Variants in RIOX2 observed in about 807,000 individuals in gnomAD.
The protein encoded by RIOX2 is ribosomal oxygenase 2.
In RIOX2, 43 loss-of-function variants were observed where a neutral mutation model predicts 51.2. The observed-to-expected ratio is 0.84, with a 90% CI of 0.66 to 1.08. The LOEUF is 1.08. Among genes scored for constraint, RIOX2 ranks in the 50% least tolerant of loss-of-function variants. RIOX2 has a pLI of 0.00. For missense variants in RIOX2, 566 were observed against 561.7 expected (o/e 1.01, Z -0.08); for synonymous variants, 226 against 218.5 (o/e 1.03, Z -0.30).
At position 97,942,425 on chromosome 3, in the gene RIOX2, C is replaced by T. The variant is rs552424648; in HGVS notation, c.*2759G>A. The T allele has an allele frequency of 1.6e-5, 25 of 1,610,594 alleles. No homozygotes were observed. The highest frequency in any genetic ancestry group is 1.7e-5 in the Non-Finnish European group (20 of 1,177,858). ...TATCAGCTCTTATCTCAGTGATCAA[C>T]TTGTCCTTGATGTTAAAGGTGGGCC... On this transcript the variant is annotated 3_prime_UTR_variant, in exon 10 of 10. Coordinates refer to ENST00000394198, the MANE Select transcript of RIOX2 (RefSeq NM_153182.4).
At position 97,967,573 on chromosome 3, in the gene RIOX2, A is replaced by G. The variant is rs1705942599; in HGVS notation, c.21T>C (p.Pro7=). The stretch of plus-strand genomic sequence containing the variant: ...GCCCCTCTTCCTTCCCACTCCCTGT[A>G]GGCTTTGCTTTCTTTGGCATCGTTC... MPKKAK[P]TGSGKEEGPA... Residue 7 remains proline (P), a synonymous_variant, in exon 2 of 10, where the codon CCT becomes CCC. Coordinates refer to ENST00000394198, the MANE Select transcript of RIOX2 (RefSeq NM_153182.4). The G allele has an allele frequency of 6.3e-7, 1 of 1,591,544 alleles. No individual in the cohort carries two copies. The highest frequency in any genetic ancestry group is 8.5e-7 in the Non-Finnish European group (1 of 1,171,782).
chr3:97,961,477 T>C (rs1705670627), intron 3 of RIOX2, 112 bp downstream of exon 3: 2 of 1,190,928 alleles, frequency 1.7e-6, no homozygotes, highest in Admixed American at 2.7e-5. Flanking sequence ...AAAGAGCGAA[T>C]ACAGACCTAA....
At position 97,942,277 on chromosome 3, in the gene RIOX2, CT is replaced by C; in HGVS notation, c.*2906del. 2 of 1,600,850 alleles carry C rather than the reference CT, an allele frequency of 1.2e-6. No individual in the cohort carries two copies. The highest frequency in any genetic ancestry group is 1.1e-5 in the South Asian group (1 of 88,882). On this transcript the variant is annotated 3_prime_UTR_variant, in exon 10 of 10. Transcript: ENST00000394198. ...ACTGCCAATTAATCATTTCTTAACCCTTTTAGGCCAGTGATACATGTCTTGA... is the reference window on the plus strand; with the variant it reads ...ACTGCCAATTAATCATTTCTTAACCCTTTAGGCCAGTGATACATGTCTTGA...
At chr3:97,951,106 T>C in intron 5 of RIOX2, 1 of 474,254 alleles carries the variant, frequency 2.1e-6, no homozygotes, top group East Asian at 3.5e-5. Context: ...AGACACTCAC[T>C]TGCAAAGTTA....
chr3:97,959,229 C>T (rs371084131), intron 3 of RIOX2, 50 bp from the exon 4 acceptor site: 42 of 1,581,050 alleles, frequency 2.7e-5, no homozygotes, highest in Non-Finnish European at 3.4e-5. Flanking sequence ...TGACAACTCA[C>T]ACACAAAGTG....
chr3:97,948,754 C>T (rs1050163289), intron 7 of RIOX2, among the ~76,000 whole-genome samples: 1 of 152,162 alleles, frequency 6.6e-6, no homozygotes, highest in African/African-American at 2.4e-5. Flanking sequence ...ACCTAACATA[C>T]ACCTGAGTCC....
At chr3:97,971,195 G>A (rs941294293) in intron 1 of RIOX2, among the ~76,000 whole-genome samples, 2 of 152,182 alleles carry the variant, frequency 1.3e-5, no homozygotes, top group African/African-American at 4.8e-5. Context: ...GGGGAGGGAA[G>A]TATGAATTTC....
intron 5 of RIOX2, among the ~76,000 whole-genome samples, chr3:97,952,562 C>A (rs1194687529): frequency 6.6e-6 from 1 of 152,084 alleles, no homozygotes; most frequent in Non-Finnish European, 1.5e-5. Flanking sequence ...GGAGAAAACA[C>A]CAGTCACTAG....
chr3:97,956,262 C>A (rs1382850706), intron 4 of RIOX2, among the ~76,000 whole-genome samples: 2 of 152,180 alleles, frequency 1.3e-5, no homozygotes, highest in Non-Finnish European at 2.9e-5. Flanking sequence ...GACTATATTT[C>A]ATTCATTTCA....
intron 1 of RIOX2, among the ~76,000 whole-genome samples, chr3:97,968,613 T>G (rs1705994788): frequency 6.6e-6 from 1 of 152,182 alleles, no homozygotes; most frequent in Non-Finnish European, 1.5e-5. Flanking sequence ...CCTTCAGAAC[T>G]GCCTCCAAAC....
Position 97,959,052 on chromosome 3 carries a change from T to G in RIOX2, c.680A>C (p.Lys227Thr), listed in dbSNP as rs1483856417. Residue 227 changes from lysine (K) to threonine (T), a missense_variant and splice_region_variant, in exon 4 of 10, where the codon AAG becomes ACG. Lys to Thr is a moderately conservative substitution (Grantham distance 78). Transcript: ENST00000394198. ...GTGCCCACAACGGTTATCACATACC[T>G]TCAGCATAAACTCATGCACCGGCCT... The part of the protein sequence containing the change: ...IGRPVHEFML[K>T]PGDLLYFPRG... 6.2e-7 allele frequency: 1 copy of G among 1,609,888 alleles called. No homozygotes were observed. The highest frequency in any genetic ancestry group is 2.2e-5 in the East Asian group (1 of 44,656).
Position 97,946,604 on chromosome 3 carries a change from A to ATATATC in RIOX2, c.1150-718_1150-717insGATATA, listed in dbSNP as rs1553712244. On this transcript the variant is annotated intron_variant, in intron 8 of 9. Coordinates refer to ENST00000394198, the MANE Select transcript of RIOX2 (RefSeq NM_153182.4). ...TGAGGATGTATATATATATATATATATATCTATTCATGTATATTCATATAT... is the reference window on the plus strand; with the variant it reads ...TGAGGATGTATATATATATATATATATATATCTATCTATTCATGTATATTCATATAT... Among the ~76,000 whole-genome samples the ATATATC allele has an allele frequency of 1.1e-4, 15 of 139,714 alleles. 1 individual carries two copies. The highest frequency in any genetic ancestry group is 2.3e-4 in the South Asian group (1 of 4,420). The allele number at this position is 139,714 out of a possible 152,430, so 91.7% of individuals were successfully genotyped here. A position where few individuals can be genotyped will look rare whatever the true frequency, so the allele number is the denominator to read the frequency against.
At chr3:97,950,113 T>A in intron 6 of RIOX2, 98 bp from the exon 7 acceptor site, 4 of 1,162,494 alleles carry the variant, frequency 3.4e-6, no homozygotes, top group Non-Finnish European at 5.0e-6. Flanking sequence ...CCACCGGGTA[T>A]AGACATTAAT....
chr3:97,959,501 A>G (rs1458164793), intron 3 of RIOX2, among the ~76,000 whole-genome samples: 1 of 151,798 alleles, frequency 6.6e-6, no homozygotes, highest in Non-Finnish European at 1.5e-5. Flanking sequence ...TCTTCTTTGT[A>G]GAGATGGGGT....
Position 97,950,795 on chromosome 3 carries a change from C to T in RIOX2, c.879G>A (p.Gln293=). 2 of 1,613,604 alleles carry T rather than the reference C, an allele frequency of 1.2e-6. No homozygotes were observed. The highest frequency in any genetic ancestry group is 1.1e-5 in the South Asian group (1 of 91,066). ...TGCCTTTACTCCTTACCAGGAGCAGCTGCCGGGGTATGCCGGTCCGTAACT... is the reference window on the plus strand; with the variant it reads ...TGCCTTTACTCCTTACCAGGAGCAGTTGCCGGGGTATGCCGGTCCGTAACT... The part of the protein sequence containing the change: ...DVELRTGIPR[Q]LLLQVESTTV... Residue 293 remains glutamine (Q), a synonymous_variant, in exon 6 of 10, where the codon CAG becomes CAA. Transcript: ENST00000394198.
chr3:97,956,009 C>T (rs1458779114), intron 4 of RIOX2, among the ~76,000 whole-genome samples: 3 of 152,104 alleles, frequency 2.0e-5, no homozygotes, highest in Admixed American at 1.3e-4. Context: ...TGGGTGAGCC[C>T]GTCAGTGATG....
chr3:97,964,696 TAAAAAAAAAAAAAAAA>T (rs1159985029), intron 2 of RIOX2, among the ~76,000 whole-genome samples: 3 of 60,210 alleles, frequency 5.0e-5, no homozygotes, highest in African/African-American at 2.1e-4. Flanking sequence ...GACTCTGTCT[TAAAAAAAAAAAAAAAA>T]AAAAAAAAAG....
At chr3:97,953,061 C>T (rs191145304) in intron 5 of RIOX2, among the ~76,000 whole-genome samples, 12 of 152,290 alleles carry the variant, frequency 7.9e-5, no homozygotes, top group African/African-American at 2.9e-4. Context: ...TAGGAGGTGA[C>T]TTGCCGTCCC....
rs1706170443 is a variant in RIOX2 at position 97,972,372 on chromosome 3, CCCA to C, written c.-40+6_-40+8del. Reference sequence around the variant, plus strand: ...GGCGCTGGGATGCCCACGAGAGCGCCCCACTCACCCGGCACGGCCTGTTGCTCG... The same window carrying C: ...GGCGCTGGGATGCCCACGAGAGCGCCCTCACCCGGCACGGCCTGTTGCTCG... On this transcript the variant is annotated splice_donor_region_variant and intron_variant, in intron 1 of 9. Coordinates refer to ENST00000394198, the MANE Select transcript of RIOX2 (RefSeq NM_153182.4). 1.3e-5 allele frequency: 2 copies of C among 151,736 alleles called. No individual in the cohort carries two copies. The highest frequency in any genetic ancestry group is 4.8e-5 in the African/African-American group (2 of 41,368). The allele number at this position is 151,736 out of a possible 1,614,324, so 9.4% of individuals were successfully genotyped here.
Sources: gnomAD v4.1 joint callset for allele counts (sites outside exome capture counted in the v4.1 genomes callset) on GRCh38, gnomAD v4.1.1 for gene constraint, MANE v1.5 for transcripts, NCBI Gene and HGNC (gene_info 2026-07-23, HGNC 2026-07-21) for gene names.